LDLRAD3: variants seen among roughly 807,000 people sequenced by gnomAD.
LDLRAD3 encodes the protein low-density lipoprotein receptor class A domain-containing protein 3.
A neutral mutation model predicts 29.4 loss-of-function variants in LDLRAD3; 20 were observed. The ratio of observed to expected loss-of-function variants is 0.68; its 90% CI spans 0.48 to 0.99. The LOEUF (loss-of-function observed/expected upper bound fraction) is 0.99. LDLRAD3 is among the 50% of genes least tolerant of loss of function. The pLI, the probability that LDLRAD3 is intolerant of heterozygous loss-of-function variation, is 0.00. For missense variants in LDLRAD3, 420 were observed against 454.3 expected (o/e 0.92, Z 0.69); for synonymous variants, 157 against 192.7 (o/e 0.81, Z 1.53).
At chr11:36,114,196 A>G (rs16928419) in intron 4 of LDLRAD3, among the ~76,000 whole-genome samples, 6,342 of 152,222 alleles carry the variant, frequency 0.042, 452 homozygotes, top group African/African-American at 0.14. Context: ...CTTTTAGAAG[A>G]TTTGTTGCTG....
At chr11:36,170,773 G>A (rs1230908042) in intron 4 of LDLRAD3, among the ~76,000 whole-genome samples, 1 of 150,520 alleles carries the variant, frequency 6.6e-6, no homozygotes, top group Admixed American at 6.6e-5. Context: ...TGAGCAATTT[G>A]TCATACGTTT....
At chr11:36,066,160 CTTTTTTT>C (rs536834475) in intron 2 of LDLRAD3, among the ~76,000 whole-genome samples, 1 of 141,174 alleles carries the variant, frequency 7.1e-6, no homozygotes, top group African/African-American at 2.6e-5. Context: ...CACTCATTTT[CTTTTTTT>C]TTTTTTTCTT....
intron 1 of LDLRAD3, among the ~76,000 whole-genome samples, chr11:35,979,669 T>C (rs535315366): frequency 2.6e-4 from 39 of 152,278 alleles, no homozygotes; most frequent in Admixed American, 2.4e-3. Context: ...TCTGAAGACA[T>C]TGGGAGAAGC....
chr11:36,036,006 G>A, intron 1 of LDLRAD3, 97 bp from the exon 2 acceptor site: 2 of 1,227,108 alleles, frequency 1.6e-6, no homozygotes. Context: ...TCATCTACCA[G>A]AAGTCTCACC....
intron 2 of LDLRAD3, among the ~76,000 whole-genome samples, chr11:36,054,988 TG>T: frequency 2.1e-5 from 3 of 142,028 alleles, no homozygotes; most frequent in Non-Finnish European, 4.6e-5. Context: ...GATGGATGGA[TG>T]GATGGATGGA....
Position 36,229,782 on chromosome 11 carries a change from T to G in LDLRAD3, c.*385T>G, listed in dbSNP as rs1027690110. 1.1e-5 allele frequency: 2 copies of G among 183,390 alleles called. No homozygotes were observed. The highest frequency in any genetic ancestry group is 4.7e-5 in the African/African-American group (2 of 42,958). The allele number at this position is 183,390 out of a possible 1,614,324, so 11.4% of individuals were successfully genotyped here. On this transcript the variant is annotated 3_prime_UTR_variant, in exon 6 of 6. Transcript: ENST00000315571. ...AGGAGACGCTGGACCCAATTCTCTC[T>G]GCTGGGTAGTTACCTTATAGCATTT...
intron 4 of LDLRAD3, among the ~76,000 whole-genome samples, chr11:36,103,414 AT>A (rs1284320804): frequency 4.0e-5 from 6 of 151,536 alleles, no homozygotes; most frequent in Non-Finnish European, 8.8e-5. Context: ...ATTTTTTTGT[AT>A]TTTTTAGTAG....
chr11:35,965,532 G>C (rs1445932935), intron 1 of LDLRAD3, among the ~76,000 whole-genome samples: 1 of 152,158 alleles, frequency 6.6e-6, no homozygotes, highest in African/African-American at 2.4e-5. Flanking sequence ...TGGGTATTTA[G>C]GGTTTCAGGA....
intron 2 of LDLRAD3, among the ~76,000 whole-genome samples, chr11:36,075,439 CTCATTACTGA>C (rs965463118): frequency 4.6e-5 from 7 of 152,184 alleles, no homozygotes; most frequent in African/African-American, 1.7e-4. Flanking sequence ...GTTGGTGTAT[CTCATTACTGA>C]TGATGTTGAC....
chr11:36,109,755 T>TA (rs35549744), intron 4 of LDLRAD3, among the ~76,000 whole-genome samples: 99,853 of 151,214 alleles, frequency 0.66, 33,267 homozygotes, highest in Non-Finnish European at 0.72. Context: ...GCTTTATATT[T>TA]AAAAAAAAAT....
chr11:36,082,359 G>A (rs1853128122), intron 3 of LDLRAD3, among the ~76,000 whole-genome samples: 2 of 152,052 alleles, frequency 1.3e-5, no homozygotes, highest in African/African-American at 4.8e-5. Context: ...AAGTACAAAA[G>A]TTAAGTAGGC....
At chr11:36,086,080 G>A (rs1853191669) in intron 3 of LDLRAD3, among the ~76,000 whole-genome samples, 1 of 152,094 alleles carries the variant, frequency 6.6e-6, no homozygotes, top group African/African-American at 2.4e-5. Context: ...TTCAGTTACT[G>A]TATCTTTCTG....
intron 2 of LDLRAD3, among the ~76,000 whole-genome samples, chr11:36,042,111 A>G (rs1202054956): frequency 1.3e-5 from 2 of 152,146 alleles, no homozygotes; most frequent in African/African-American, 4.8e-5. Flanking sequence ...ACCACGAAAT[A>G]TAAGAGCAAG....
intron 2 of LDLRAD3, among the ~76,000 whole-genome samples, chr11:36,045,463 G>A (rs546339390): frequency 2.6e-5 from 4 of 152,312 alleles, no homozygotes; most frequent in South Asian, 2.1e-4. Flanking sequence ...CGGCCCGGCC[G>A]TGGTTTCTCT....
intron 4 of LDLRAD3, among the ~76,000 whole-genome samples, chr11:36,196,032 A>T (rs1388456927): frequency 2.7e-5 from 4 of 150,884 alleles, no homozygotes; most frequent in Admixed American, 2.6e-4. Flanking sequence ...CAAAAGACAA[A>T]AAAAAAAAAA....
At chr11:36,064,797 G>C (rs1852764925) in intron 2 of LDLRAD3, among the ~76,000 whole-genome samples, 1 of 152,126 alleles carries the variant, frequency 6.6e-6, no homozygotes, top group African/African-American at 2.4e-5. Context: ...TTATTTAGGA[G>C]TGTGTTAATT....
intron 2 of LDLRAD3, 26 bp downstream of exon 2, chr11:36,036,275 G>A: frequency 6.2e-7 from 1 of 1,613,728 alleles, no homozygotes; most frequent in South Asian, 1.1e-5. Flanking sequence ...CTTTGCTGGG[G>A]TGGGGTGGCA....
intron 4 of LDLRAD3, among the ~76,000 whole-genome samples, chr11:36,204,385 A>G (rs1335017091): frequency 6.6e-6 from 1 of 152,216 alleles, no homozygotes; most frequent in Non-Finnish European, 1.5e-5. Flanking sequence ...GTGGCCAAAC[A>G]GTTCCAGGCT....
intron 2 of LDLRAD3, among the ~76,000 whole-genome samples, chr11:36,047,383 C>T (rs1174038255): frequency 6.6e-6 from 1 of 151,960 alleles, no homozygotes; most frequent in Admixed American, 6.6e-5. Context: ...TTTTAAATTC[C>T]GAGACACACA....
Sources: gnomAD v4.1 joint callset for allele counts (sites outside exome capture counted in the v4.1 genomes callset) on GRCh38, gnomAD v4.1.1 for gene constraint, MANE v1.5 for transcripts, NCBI Gene and HGNC (gene_info 2026-07-23, HGNC 2026-07-21) for gene names.